HAUS7: variants seen among roughly 807,000 people sequenced by gnomAD.
HAUS7 encodes HAUS augmin-like complex subunit 7.
In HAUS7, 3 loss-of-function variants were observed where a neutral mutation model predicts 28.4. The ratio of observed to expected loss-of-function variants is 0.11; its 90% CI spans 0.05 to 0.27. The LOEUF is 0.27. Ranked by LOEUF, HAUS7 falls within the 10% of genes least tolerant of loss-of-function variation. HAUS7 has a pLI of 1.00. For missense variants in HAUS7, 284 were observed against 297.3 expected, an observed-to-expected ratio of 0.96 and a Z score of 0.33; for synonymous variants, 165 against 132.1, an observed-to-expected ratio of 1.25 and a Z score of -1.71.
At chrX:153,485,362 C>A (rs996506014) in intron 1 of HAUS7, among the ~76,000 whole-genome samples, 3 of 111,610 alleles carry the variant, frequency 2.7e-5, no homozygotes, top group Non-Finnish European at 3.8e-5. Context: ...CCCCACTTTT[C>A]CCCTAGATTT....
rs2089319545 is a variant in HAUS7 at position 153,456,845 on chromosome X, T to C, written c.447-194A>G. On this transcript the variant is annotated intron_variant, in intron 5 of 9. Transcript: ENST00000370211. ...TTTTGCCCGCCTACCTACCCACCCA[T>C]GGAGCACCCTAGGTGCTCACCCTCC... The C allele has an allele frequency of 6.8e-6, 3 of 443,704 alleles. No homozygotes were observed. The East Asian group carries it at 1.1e-4, about 17-fold the overall frequency. 36.6% of individuals were successfully genotyped at this position (443,704 alleles called of 1,213,427 possible).
At chrX:153,471,033 G>A (rs782332821), upstream of HAUS7, 3 of 326,911 alleles carry the variant, frequency 9.2e-6, no homozygotes. Flanking sequence ...CCACCACTAA[G>A]GGGCACCCTG....
At chrX:153,464,823 G>A (rs2089436131) in intron 3 of HAUS7, among the ~76,000 whole-genome samples, 165 bp downstream of exon 3, 1 of 112,018 alleles carries the variant, frequency 8.9e-6, no homozygotes, top group Non-Finnish European at 1.9e-5. Flanking sequence ...TGCGAGAGGA[G>A]TTCTCCCACC....
At chrX:153,458,054 C>T (rs1026341810) in intron 4 of HAUS7, among the ~76,000 whole-genome samples, 2 of 113,469 alleles carry the variant, frequency 1.8e-5, no homozygotes, top group Non-Finnish European at 3.7e-5. Context: ...TGCTCCTTGG[C>T]GGGCTTGGGG....
chrX:153,486,247 G>T (rs781951975), intron 1 of HAUS7, among the ~76,000 whole-genome samples: 6 of 112,819 alleles, frequency 5.3e-5, no homozygotes, highest in African/African-American at 1.9e-4. Context: ...CCCACAGGCC[G>T]CAGAGGCCGA....
At chrX:153,487,540 G>A (rs2089646829) in intron 1 of HAUS7, among the ~76,000 whole-genome samples, 1 of 112,231 alleles carries the variant, frequency 8.9e-6, no homozygotes, top group Non-Finnish European at 1.9e-5. Flanking sequence ...CCACCTGCAA[G>A]AGAGGTCCCC....
intron 1 of HAUS7, among the ~76,000 whole-genome samples, chrX:153,491,509 T>C (rs1421674254): frequency 1.8e-5 from 2 of 112,254 alleles, no homozygotes; most frequent in East Asian, 5.6e-4. Flanking sequence ...AGCCCCCTTC[T>C]TCCGTGGCCC....
At chrX:153,481,473 A>G in intron 1 of HAUS7, 3 of 756,246 alleles carry the variant, frequency 4.0e-6, no homozygotes, top group Non-Finnish European at 4.7e-6. Context: ...GGAAAAGACC[A>G]GGAAGCACAC....
intron 1 of HAUS7, chrX:153,483,453 C>T (rs1344296073): frequency 2.6e-6 from 2 of 755,735 alleles, no homozygotes; most frequent in South Asian, 1.3e-4. Context: ...CCGTGAGTGG[C>T]AGTCCCAGAG....
upstream of HAUS7, chrX:153,470,737 C>T: frequency 1.6e-6 from 1 of 638,577 alleles, no homozygotes; most frequent in South Asian, 2.8e-5. Flanking sequence ...CCCGCCCCGG[C>T]ACCACCCAGA....
intron 1 of HAUS7, chrX:153,486,177 T>C (rs374445575): frequency 7.0e-6 from 5 of 716,908 alleles, no homozygotes; most frequent in Non-Finnish European, 3.6e-6. Context: ...AGAGGTACCC[T>C]GAGGCCAGGA....
intron 1 of HAUS7, chrX:153,481,484 A>G (rs782236726): frequency 4.2e-5 from 32 of 754,753 alleles, no homozygotes; most frequent in Non-Finnish European, 5.0e-5. Context: ...GGAAGCACAC[A>G]TGGGCACAGG....
upstream of HAUS7, among the ~76,000 whole-genome samples, chrX:153,473,001 G>A: frequency 8.9e-6 from 1 of 111,964 alleles, no homozygotes; most frequent in Non-Finnish European, 1.9e-5. Flanking sequence ...AAATGAGACT[G>A]GTTCACGGCA....
At chrX:153,490,189 A>C (rs1047476053) in intron 1 of HAUS7, among the ~76,000 whole-genome samples, 1 of 112,328 alleles carries the variant, frequency 8.9e-6, no homozygotes, top group African/African-American at 3.2e-5. Flanking sequence ...TTCGGCTTCC[A>C]AGGCAACCCA....
At chrX:153,479,107 G>A (rs1426226972) in intron 1 of HAUS7, among the ~76,000 whole-genome samples, 6 of 109,570 alleles carry the variant, frequency 5.5e-5, no homozygotes, top group Non-Finnish European at 1.1e-4. Context: ...CAGAAGGGGG[G>A]CCTTCCCAGG....
intron 2 of HAUS7, 121 bp downstream of exon 2, chrX:153,469,025 G>T (rs10126230): frequency 6.1e-6 from 3 of 493,773 alleles, no homozygotes; most frequent in African/African-American, 4.7e-5. Context: ...TCCAGGCTAG[G>T]GGGTGGAGCC....
intron 4 of HAUS7, among the ~76,000 whole-genome samples, chrX:153,458,224 A>G (rs1242626853): frequency 8.8e-6 from 1 of 113,292 alleles, no homozygotes; most frequent in Non-Finnish European, 1.9e-5. Flanking sequence ...TCAGGAGCAC[A>G]GGTGCGAGAA....
At chrX:153,454,538 GA>G in intron 8 of HAUS7, 30 bp from the exon 9 acceptor site, 1 of 315,404 alleles carries the variant, frequency 3.2e-6, no homozygotes, top group East Asian at 8.0e-5. Flanking sequence ...GGGAGGGAGG[GA>G]GGGAGGGAGC....
chrX:153,463,026 A>C, intron 3 of HAUS7: 1 of 383,944 alleles, frequency 2.6e-6, no homozygotes, highest in Non-Finnish European at 4.9e-6. Flanking sequence ...GCCAAAGCAA[A>C]TGGACTCACC....
Sources: gnomAD v4.1 joint callset for allele counts (sites outside exome capture counted in the v4.1 genomes callset) on GRCh38, gnomAD v4.1.1 for gene constraint, MANE v1.5 for transcripts, NCBI Gene and HGNC (gene_info 2026-07-23, HGNC 2026-07-21) for gene names.